Variants in FLI1 observed in about 807,000 individuals in gnomAD.
FLI1 encodes Fli-1 proto-oncogene, ETS transcription factor, also known as Friend leukemia integration 1 transcription factor.
FLI1 carries 13 observed loss-of-function variants against 53.1 expected under a neutral mutation model. The ratio of observed to expected loss-of-function variants is 0.24; its 90% CI spans 0.16 to 0.39. FLI1 has a LOEUF of 0.39. FLI1 is among the 10% of genes least tolerant of loss of function. The probability of loss-of-function intolerance (pLI) is 1.00; values close to 1 mark genes in which losing one functional copy is unlikely to be tolerated. For missense variants in FLI1, 424 were observed against 600.5 expected, an observed-to-expected ratio of 0.71 and a Z score of 3.07; for synonymous variants, 244 against 236.7, an observed-to-expected ratio of 1.03 and a Z score of -0.28.
At chr11:128,767,102 A>T (rs74410023) in intron 2 of FLI1, among the ~76,000 whole-genome samples, 2,565 of 152,260 alleles carry the variant, frequency 0.017, 78 homozygotes, top group African/African-American at 0.059. Flanking sequence ...TTTGCCAGCC[A>T]GCTTCAGGGC....
intron 7 of FLI1, among the ~76,000 whole-genome samples, chr11:128,808,596 G>A (rs1235019000): frequency 6.6e-6 from 1 of 152,136 alleles, no homozygotes; most frequent in Non-Finnish European, 1.5e-5. Flanking sequence ...GAATCCAGTA[G>A]CCCAACCCAC....
At chr11:128,782,784 A>T (rs565321491) in intron 5 of FLI1, among the ~76,000 whole-genome samples, 1 of 152,182 alleles carries the variant, frequency 6.6e-6, no homozygotes, top group African/African-American at 2.4e-5. Context: ...TGAGAAAGAA[A>T]ACTTCCTCGG....
chr11:128,707,206 T>C (rs1938582920), intron 1 of FLI1, among the ~76,000 whole-genome samples: 1 of 152,190 alleles, frequency 6.6e-6, no homozygotes, highest in Non-Finnish European at 1.5e-5. Flanking sequence ...CCCAAGTTCA[T>C]GAACAGTCAG....
intron 1 of FLI1, among the ~76,000 whole-genome samples, chr11:128,730,239 C>CA (rs1235355012): frequency 6.6e-6 from 1 of 152,218 alleles, no homozygotes; most frequent in Non-Finnish European, 1.5e-5. Context: ...ATTCCATCCT[C>CA]ACAACCCTAT....
chr11:128,751,826 G>T (rs9736147), intron 1 of FLI1, among the ~76,000 whole-genome samples: 146,446 of 147,512 alleles, frequency 0.99, 72,695 homozygotes, highest in Non-Finnish European at 1. Context: ...TTTTTTTTGG[G>T]TTTGTTTTTT....
At chr11:128,786,160 G>A (rs1342700518) in intron 5 of FLI1, among the ~76,000 whole-genome samples, 1 of 152,190 alleles carries the variant, frequency 6.6e-6, no homozygotes, top group East Asian at 1.9e-4. Context: ...AAGCCAAGCT[G>A]CAGCCAAGCT....
At chr11:128,779,861 T>G (rs1941854762) in intron 4 of FLI1, among the ~76,000 whole-genome samples, 1 of 152,374 alleles carries the variant, frequency 6.6e-6, no homozygotes, top group South Asian at 2.1e-4. Context: ...CCACATAGCA[T>G]AGCCTACTAC....
chr11:128,759,406 A>AG (rs1440637754), intron 2 of FLI1, among the ~76,000 whole-genome samples: 1 of 152,258 alleles, frequency 6.6e-6, no homozygotes, highest in Non-Finnish European at 1.5e-5. Context: ...GCGAGCTGAC[A>AG]GTCCTTGCGC....
At chr11:128,744,059 G>A (rs746079783) in intron 1 of FLI1, among the ~76,000 whole-genome samples, 1 of 152,156 alleles carries the variant, frequency 6.6e-6, no homozygotes, top group Non-Finnish European at 1.5e-5. Flanking sequence ...TTGGCTCCTC[G>A]TGTAGAGACC....
At chr11:128,710,151 C>T (rs554624762) in intron 1 of FLI1, among the ~76,000 whole-genome samples, 5 of 152,080 alleles carry the variant, frequency 3.3e-5, no homozygotes, top group African/African-American at 4.8e-5. Context: ...CTGTCTTTCA[C>T]GGTACACTGC....
intron 1 of FLI1, among the ~76,000 whole-genome samples, chr11:128,736,034 A>T (rs758922601): frequency 6.6e-6 from 1 of 152,170 alleles, no homozygotes; most frequent in Non-Finnish European, 1.5e-5. Context: ...TTAGGCAGAG[A>T]TTCCTTAGAC....
At position 128,813,218 on chromosome 11, in the gene FLI1, A is replaced by C. The variant is rs1356150770; in HGVS notation, c.*2230A>C. On this transcript the variant is annotated 3_prime_UTR_variant, in exon 9 of 9. Coordinates refer to ENST00000527786, the MANE Select transcript of FLI1 (RefSeq NM_002017.5). ...CTTCATATTAGAAAACAAATACAAA[A>C]TAGAACATTTTAAATGGTGATATAA... The C allele has an allele frequency of 6.5e-6, 1 of 153,232 alleles. No homozygotes were observed. The highest frequency in any genetic ancestry group is 2.5e-5 in the African/African-American group (1 of 40,724). 9.5% of individuals were successfully genotyped at this position (153,232 alleles called of 1,614,324 possible). A position where few individuals can be genotyped will look rare whatever the true frequency, so the allele number is the denominator to read the frequency against.
intron 1 of FLI1, among the ~76,000 whole-genome samples, chr11:128,741,698 G>A (rs914859506): frequency 6.6e-6 from 1 of 152,234 alleles, no homozygotes; most frequent in African/African-American, 2.4e-5. Context: ...AAGTCCCTGA[G>A]CCAATGAAGT....
chr11:128,802,194 T>G (rs536933507), intron 5 of FLI1, among the ~76,000 whole-genome samples: 1 of 152,226 alleles, frequency 6.6e-6, no homozygotes, highest in Non-Finnish European at 1.5e-5. Context: ...ATGCAAGACT[T>G]TAGTTCTTGG....
At chr11:128,716,781 G>C (rs1411569567) in intron 1 of FLI1, among the ~76,000 whole-genome samples, 1 of 152,138 alleles carries the variant, frequency 6.6e-6, no homozygotes, top group Admixed American at 6.5e-5. Flanking sequence ...GGCTTTGCTT[G>C]GTTTGAGTGG....
At position 128,765,051 on chromosome 11, in the gene FLI1, G is replaced by A. The variant is rs1460281479; in HGVS notation, c.231-3067G>A. 3.9e-5 allele frequency among the ~76,000 whole-genome samples: 6 copies of A among 152,114 alleles called. No homozygotes were observed. The East Asian group carries it at 5.8e-4, about 15-fold the overall frequency. ...GGAGAGCAGGTGTGTGCACAGGGCCGGGGGAGGGAGAGAGGAGGAGGGAAG... is the reference window on the plus strand; with the variant it reads ...GGAGAGCAGGTGTGTGCACAGGGCCAGGGGAGGGAGAGAGGAGGAGGGAAG... On this transcript the variant is annotated intron_variant, in intron 2 of 8. Transcript: ENST00000527786.
rs1367234403 is a variant in FLI1, at chr11:128,764,563, C to T, written c.231-3555C>T. On this transcript the variant is annotated intron_variant, in intron 2 of 8. Coordinates refer to ENST00000527786, the MANE Select transcript of FLI1 (RefSeq NM_002017.5). ...CTAGCTGTAAGTGCAGGTCTTAATA[C>T]AAATTAGCAGCAGTGCAGGCAAGCT... 2.4e-6 allele frequency: 3 copies of T among 1,238,324 alleles called. No homozygotes were observed. The Admixed American group carries it at 6.0e-5, about 25-fold the overall frequency. 76.7% of individuals were successfully genotyped at this position (1,238,324 alleles called of 1,614,324 possible). A position where few individuals can be genotyped will look rare whatever the true frequency, so the allele number is the denominator to read the frequency against.
intron 1 of FLI1, among the ~76,000 whole-genome samples, chr11:128,753,371 A>G (rs1021859303): frequency 6.6e-6 from 1 of 152,230 alleles, no homozygotes; most frequent in African/African-American, 2.4e-5. Context: ...AGTCTTTTAA[A>G]TAATAACTAA....
At chr11:128,750,733 A>G (rs992978556) in intron 1 of FLI1, among the ~76,000 whole-genome samples, 7 of 152,242 alleles carry the variant, frequency 4.6e-5, no homozygotes, top group African/African-American at 1.2e-4. Flanking sequence ...TCATGTGCAC[A>G]TGAAAAGTAA....
Sources: gnomAD v4.1 joint callset for allele counts (sites outside exome capture counted in the v4.1 genomes callset) on GRCh38, gnomAD v4.1.1 for gene constraint, MANE v1.5 for transcripts, NCBI Gene and HGNC (gene_info 2026-07-23, HGNC 2026-07-21) for gene names.